LRCOL1: variants seen among roughly 807,000 people sequenced by gnomAD.
LRCOL1 encodes leucine rich colipase like 1, also known as leucine-rich colipase-like protein 1.
Under a neutral mutation model 21.6 loss-of-function variants are expected in LRCOL1, and 21 were observed. The observed-to-expected ratio is 0.97, with a 90% CI of 0.69 to 1.40. The LOEUF (loss-of-function observed/expected upper bound fraction) is 1.40. LRCOL1 is among the 40% of genes most tolerant of loss of function. The probability of loss-of-function intolerance (pLI) is 0.00; values close to 1 mark genes in which losing one functional copy is unlikely to be tolerated. For missense variants in LRCOL1, 198 were observed against 202.3 expected, an observed-to-expected ratio of 0.98 and a Z score of 0.13; for synonymous variants, 98 against 90.1, an observed-to-expected ratio of 1.09 and a Z score of -0.49.
In LRCOL1 at chr12:132,604,363, A is replaced by G. The variant is rs1566277458; in HGVS notation, c.368T>C (p.Phe123Ser). ...CVPWRKPNGD[F>S]CSSHQECHSQ... is the part of the protein sequence containing the mutation. ...GTGACACTCCTGATGGCTGCTGCAG[A>G]AGTCGCCGTTGGGCTGGGGAGGCAG... The change falls in exon 5 of 6, where the codon TTC becomes TCC. Residue 123 changes from phenylalanine to serine, a missense_variant. Phe to Ser is a radical substitution (Grantham distance 155). Coordinates refer to ENST00000376608, the MANE Select transcript of LRCOL1 (RefSeq NM_001195520.2). The G allele has an allele frequency of 5.2e-6, 8 of 1,535,702 alleles. No individual in the cohort carries two copies. The highest frequency in any genetic ancestry group is 7.0e-6 in the Non-Finnish European group (8 of 1,146,686).
Position 132,606,399 on chromosome 12 carries a change from A to C in LRCOL1, c.-13-135T>G. On this transcript the variant is annotated intron_variant, in intron 1 of 5. Transcript: ENST00000376608. The surrounding 1 kb of genome is among the most constrained non-coding windows in gnomAD (Gnocchi z 4.6). Reference sequence around the variant, plus strand: ...TGCAAGACAGACTTTTAAAAACTTAATGGACTTTATTTTCTAAAGCAGTTT... The same window carrying C: ...TGCAAGACAGACTTTTAAAAACTTACTGGACTTTATTTTCTAAAGCAGTTT... 4 of 731,754 alleles carry C rather than the reference A, an allele frequency of 5.5e-6. No homozygotes were observed. Among genetic ancestry groups the C allele is most frequent in the Non-Finnish European group, 6.5e-6 (3 of 460,002 alleles). The allele number at this position is 731,754 out of a possible 1,614,324, so 45.3% of individuals were successfully genotyped here.
chr12:132,603,587 C>A (rs1448744382), intron 5 of LRCOL1, 183 bp from the exon 6 acceptor site: 6 of 984,592 alleles, frequency 6.1e-6, no homozygotes, highest in African/African-American at 3.5e-5. Flanking sequence ...CCGCGCCAGG[C>A]GCCCGGAGCT....
chr12:132,604,672 C>G, intron 3 of LRCOL1, 34 bp downstream of exon 3: 1 of 1,528,168 alleles, frequency 6.5e-7, no homozygotes, highest in Middle Eastern at 1.7e-4. Context: ...CAGGCAGTCT[C>G]GCTCCTCCAC....
chr12:132,609,351 G>A (rs2041348999), intron 1 of LRCOL1, among the ~76,000 whole-genome samples: 1 of 152,238 alleles, frequency 6.6e-6, no homozygotes, highest in African/African-American at 2.4e-5. Context: ...TGGCAGTGAT[G>A]GCTGCACGGC....
At chr12:132,603,591 C>CG (rs2138297325) in intron 5 of LRCOL1, 187 bp from the exon 6 acceptor site, 1 of 984,752 alleles carries the variant, frequency 1.0e-6, no homozygotes, top group Admixed American at 6.1e-5. Flanking sequence ...GCCAGGCGCC[C>CG]GGAGCTGCTC....
intron 1 of LRCOL1, among the ~76,000 whole-genome samples, chr12:132,608,289 C>T (rs1048854040): frequency 2.6e-5 from 4 of 152,216 alleles, no homozygotes; most frequent in Non-Finnish European, 5.9e-5. Context: ...CGTGATCAGT[C>T]CCCGCACCCA....
At chr12:132,609,735 G>A (rs534200006) in intron 1 of LRCOL1, among the ~76,000 whole-genome samples, 117 of 152,258 alleles carry the variant, frequency 7.7e-4, no homozygotes, top group African/African-American at 2.6e-3. Context: ...TATGTTAAAG[G>A]TATTTTACCA....
intron 1 of LRCOL1, among the ~76,000 whole-genome samples, chr12:132,608,737 A>G (rs1348787847): frequency 6.6e-6 from 1 of 152,232 alleles, no homozygotes; most frequent in Non-Finnish European, 1.5e-5. Flanking sequence ...CGTCTTAAAT[A>G]TAATTTTTAA....
In LRCOL1 at chr12:132,604,556, G is replaced by A; in HGVS notation, c.260C>T (p.Ser87Leu). ...GACGCAGCAGCTGCTCTGGCACTCT[G>A]AGTCGTGCGAGCATCTGTACCCATT... Reference protein sequence around the residue: ...KPNGYRCSHDSECQSSCCVRN... With the variant: ...KPNGYRCSHDLECQSSCCVRN... The change falls in exon 4 of 6, where the codon TCA becomes TTA. Residue 87 changes from serine to leucine, a missense_variant. Physicochemically the swap from Ser to Leu is moderately radical, Grantham distance 145. Coordinates refer to ENST00000376608, the MANE Select transcript of LRCOL1 (RefSeq NM_001195520.2). 1 of 1,535,996 alleles carries A rather than the reference G, an allele frequency of 6.5e-7. No individual in the cohort carries two copies. The highest frequency in any genetic ancestry group is 8.7e-7 in the Non-Finnish European group (1 of 1,146,820).
chr12:132,604,058 C>T, intron 5 of LRCOL1, 196 bp downstream of exon 5: 1 of 1,412,088 alleles, frequency 7.1e-7, no homozygotes, highest in African/African-American at 1.4e-5. Context: ...GGCTCAGTGC[C>T]AGCCCAGGAG....
In LRCOL1 at chr12:132,604,285, C is replaced by G. The variant is rs1363736381; in HGVS notation, c.446G>C (p.Arg149Pro). ...CAGGCACTGGGCCAGGATCCCGGTCCGGGGAATGCAGCGGAAGGGGCTGTA... is the reference window on the plus strand; with the variant it reads ...CAGGCACTGGGCCAGGATCCCGGTCGGGGGAATGCAGCGGAAGGGGCTGTA... ...REYSPFRCIP[R>P]TGILAQCLPL The change falls in exon 5 of 6, where the codon CGG becomes CCG. Residue 149 changes from arginine to proline, a missense_variant. By Grantham distance (103) the Arg-to-Pro change is moderately radical (BLOSUM62 -2). Transcript: ENST00000376608. 2 of 1,535,344 alleles carry G rather than the reference C, an allele frequency of 1.3e-6. No individual in the cohort carries two copies. Among genetic ancestry groups the G allele is most frequent in the Non-Finnish European group, 1.7e-6 (2 of 1,146,702 alleles).
In LRCOL1 at chr12:132,606,274, C is replaced by T. The variant is rs1471216645; in HGVS notation, c.-13-10G>A. 5 of 1,535,454 alleles carry T rather than the reference C, an allele frequency of 3.3e-6. No homozygotes were observed. Among genetic ancestry groups the T allele is most frequent in the African/African-American group, 1.4e-5 (1 of 73,050 alleles). ...CATCGGGTGTGTGGACCTGCAGAGA[C>T]CCAGGATTGTGTGGGAGTGTGTCCA... On this transcript the variant is annotated splice_polypyrimidine_tract_variant and intron_variant, in intron 1 of 5. Coordinates refer to ENST00000376608, the MANE Select transcript of LRCOL1 (RefSeq NM_001195520.2). This position sits in a 1 kb window ranked among gnomAD's most constrained non-coding sequence, Gnocchi z 4.6.
At chr12:132,603,497 C>A in intron 5 of LRCOL1, 93 bp from the exon 6 acceptor site, 3 of 1,534,704 alleles carry the variant, frequency 2.0e-6, no homozygotes, top group Non-Finnish European at 2.6e-6. Context: ...ACAGCATCTC[C>A]CGGCACCAGC....
intron 1 of LRCOL1, among the ~76,000 whole-genome samples, chr12:132,607,518 C>T (rs866356339): frequency 3.9e-5 from 6 of 152,258 alleles, no homozygotes; most frequent in Non-Finnish European, 7.3e-5. Flanking sequence ...TCCCTCACCC[C>T]GTGCTGTGAG....
At chr12:132,605,122 C>T in intron 2 of LRCOL1, 1 of 1,196,834 alleles carries the variant, frequency 8.4e-7, no homozygotes, top group Non-Finnish European at 1.0e-6. Context: ...TCAGGCCAGC[C>T]CAGTGCCTGG....
chr12:132,603,316 C>G lies in LRCOL1; in HGVS notation c.*86G>C, dbSNP rs916461152. 17 of 1,520,612 alleles carry G rather than the reference C, an allele frequency of 1.1e-5. No individual in the cohort carries two copies. The highest frequency in any genetic ancestry group is 1.5e-5 in the Non-Finnish European group (17 of 1,133,932). The allele number at this position is 1,520,612 out of a possible 1,614,324, so 94.2% of individuals were successfully genotyped here. A position where few individuals can be genotyped will look rare whatever the true frequency, so the allele number is the denominator to read the frequency against. On this transcript the variant is annotated 3_prime_UTR_variant, in exon 6 of 6. Transcript: ENST00000376608. ...CAGCACAAACCGTAAGGGAAGCTTC[C>G]GCTGGAACCAGCCCCCGCGCAACGC...
At position 132,604,515 on chromosome 12, in the gene LRCOL1, G is replaced by A. The variant is rs1336054903; in HGVS notation, c.301C>T (p.Gln101Ter). ...SSCCVRNNSP[Q>*]ELCTPQSVFL... ...ACGCTTTGGGGCGTGCACAACTCCT[G>A]CGGGCTGTTGTTGCGGACGCAGCAG... Residue 101 changes from glutamine (Q) to a stop codon, truncating the protein, a stop_gained, in exon 4 of 6, where the codon CAG (glutamine) becomes TAG (stop). Coordinates refer to ENST00000376608, the MANE Select transcript of LRCOL1 (RefSeq NM_001195520.2). LOFTEE classifies it high-confidence loss of function. The A allele has an allele frequency of 2.6e-6, 4 of 1,536,230 alleles. No homozygotes were observed. Among genetic ancestry groups the A allele is most frequent in the South Asian group, 1.2e-5 (1 of 84,068 alleles).
chr12:132,603,948 A>G, intron 5 of LRCOL1: 1 of 1,248,978 alleles, frequency 8.0e-7, no homozygotes, highest in Non-Finnish European at 1.0e-6. Context: ...AAGACGTCCA[A>G]CCCCAGCTCC....
Position 132,603,471 on chromosome 12 carries a change from A to G in LRCOL1, c.478-67T>C, listed in dbSNP as rs1381976406. 3.3e-6 allele frequency: 5 copies of G among 1,535,772 alleles called. No homozygotes were observed. In the East Asian group the frequency reaches 9.8e-5, roughly 30 times the overall value. The stretch of plus-strand genomic sequence containing the variant: ...GCCTCGAAGCGGCCGCGGAAGGAGG[A>G]CGGGAACCCGGGGCCACAGCATCTC... On this transcript the variant is annotated intron_variant, in intron 5 of 5. Coordinates refer to ENST00000376608, the MANE Select transcript of LRCOL1 (RefSeq NM_001195520.2).
Sources: allele counts gnomAD v4.1 joint callset (sites outside exome capture counted in the v4.1 genomes callset), GRCh38; gene constraint gnomAD v4.1.1; non-coding constraint Gnocchi (gnomAD v3.1); transcripts MANE v1.5; gene names NCBI Gene and HGNC (gene_info 2026-07-23, HGNC 2026-07-21).